The following RIC8B variants were observed in gnomAD, a reference collection of about 807,000 sequenced individuals.
RIC8B encodes RIC8 guanine nucleotide exchange factor B.
Under a neutral mutation model 57.5 loss-of-function variants are expected in RIC8B, and 16 were observed. The ratio of observed to expected loss-of-function variants is 0.28; its 90% CI spans 0.19 to 0.42. The LOEUF (loss-of-function observed/expected upper bound fraction) is 0.42. Among genes scored for constraint, RIC8B ranks in the 10% least tolerant of loss-of-function variants. RIC8B has a pLI of 1.00. For synonymous variants in RIC8B, 216 were observed against 250.8 expected (o/e 0.86, Z 1.31); for missense variants, 481 against 677.0 (o/e 0.71, Z 3.21).
At chr12:106,800,951 A>G (rs2044704318) in intron 2 of RIC8B, among the ~76,000 whole-genome samples, 1 of 152,202 alleles carries the variant, frequency 6.6e-6, no homozygotes, top group African/African-American at 2.4e-5. Context: ...GTACTGTATA[A>G]TCAAACTATA....
chr12:106,835,078 T>C (rs1208029516), intron 4 of RIC8B, among the ~76,000 whole-genome samples: 1 of 151,898 alleles, frequency 6.6e-6, no homozygotes, highest in Non-Finnish European at 1.5e-5. Context: ...CTACCTCACT[T>C]TGCAGACTAC....
At chr12:106,805,375 C>T (rs1308570284) in intron 2 of RIC8B, among the ~76,000 whole-genome samples, 2 of 152,182 alleles carry the variant, frequency 1.3e-5, no homozygotes, top group Non-Finnish European at 2.9e-5. Flanking sequence ...CCATGGCTCA[C>T]TGCTGTAATC....
chr12:106,879,970 T>C lies in RIC8B; in HGVS notation c.1572-5934T>C, dbSNP rs765604399. On this transcript the variant is annotated intron_variant, in intron 9 of 9. Transcript: ENST00000392837. This position sits in a 1 kb window ranked among gnomAD's most constrained non-coding sequence, Gnocchi z 4.9. ...AAGGTAAGTATGAAGGAGTTGTTGC[T>C]ATGTGAATATCTTAATCCTGATACA... 29 of 984,356 alleles carry C rather than the reference T, an allele frequency of 2.9e-5. No individual in the cohort carries two copies. The highest frequency in any genetic ancestry group is 5.2e-5 in the African/African-American group (3 of 57,210). 61.0% of individuals were successfully genotyped at this position (984,356 alleles called of 1,614,324 possible).
At chr12:106,859,326 G>T (rs7959251) in intron 7 of RIC8B, among the ~76,000 whole-genome samples, 1,604 of 152,194 alleles carry the variant, frequency 0.011, 24 homozygotes, top group African/African-American at 0.037. Flanking sequence ...AAACATTACT[G>T]CAGTGCAAGT....
intron 4 of RIC8B, 143 bp downstream of exon 4, chr12:106,825,963 C>A: frequency 1.7e-6 from 1 of 603,502 alleles, no homozygotes; most frequent in Non-Finnish European, 3.0e-6. Context: ...AAATCATTAT[C>A]ATGGAAATCA....
intron 7 of RIC8B, among the ~76,000 whole-genome samples, chr12:106,853,940 A>G (rs1374680577): frequency 6.6e-6 from 1 of 152,256 alleles, no homozygotes; most frequent in Non-Finnish European, 1.5e-5. Context: ...TAAGGGTCAC[A>G]GACTCAAATG....
intron 6 of RIC8B, among the ~76,000 whole-genome samples, chr12:106,847,331 G>A (rs1020494397): frequency 1.3e-5 from 2 of 152,134 alleles, no homozygotes; most frequent in African/African-American, 4.8e-5. Flanking sequence ...AACCAAAAAT[G>A]TAGCTAACAA....
intron 8 of RIC8B, among the ~76,000 whole-genome samples, chr12:106,869,386 G>T (rs1950291178): frequency 6.6e-6 from 1 of 152,064 alleles, no homozygotes; most frequent in South Asian, 2.1e-4. Flanking sequence ...CTCAAAGACG[G>T]GTTGCAAGCT....
chr12:106,800,731 C>T (rs1039463798), intron 2 of RIC8B, among the ~76,000 whole-genome samples: 1 of 152,178 alleles, frequency 6.6e-6, no homozygotes, highest in African/African-American at 2.4e-5. Context: ...GATAGAGGAA[C>T]TAGTTCAGAG....
At chr12:106,864,027 G>T (rs1950040718) in intron 8 of RIC8B, among the ~76,000 whole-genome samples, 1 of 152,032 alleles carries the variant, frequency 6.6e-6, no homozygotes, top group Non-Finnish European at 1.5e-5. Flanking sequence ...TATCAGATAA[G>T]TAAATGAAAG....
At chr12:106,872,668 T>C (rs1158946041) in intron 9 of RIC8B, among the ~76,000 whole-genome samples, 3 of 57,804 alleles carry the variant, frequency 5.2e-5, no homozygotes, top group South Asian at 5.8e-4. Context: ...AAACTCTGTC[T>C]CAAAAAAAAA....
intron 9 of RIC8B, among the ~76,000 whole-genome samples, chr12:106,881,073 A>C (rs1335152082): frequency 6.6e-6 from 1 of 152,230 alleles, no homozygotes; most frequent in African/African-American, 2.4e-5. Context: ...AGGATCTGCT[A>C]TCTGCAAGGC....
intron 2 of RIC8B, among the ~76,000 whole-genome samples, chr12:106,800,228 A>G (rs1470018584): frequency 6.6e-6 from 1 of 152,172 alleles, no homozygotes; most frequent in Admixed American, 6.5e-5. Context: ...AAGAGGTTTA[A>G]TTGGCTCACA....
chr12:106,886,967 C>T lies in RIC8B; in HGVS notation c.*952C>T, dbSNP rs929546779. ...TGTGCTGGTGTGTGTGTGAGTTCTA[C>T]GTTTCTACCATATGTGATCAGTTTA... On this transcript the variant is annotated 3_prime_UTR_variant, in exon 10 of 10. Coordinates refer to ENST00000392837, the MANE Select transcript of RIC8B (RefSeq NM_001330145.2). The T allele has an allele frequency of 3.9e-5, 6 of 152,210 alleles. No homozygotes were observed. The highest frequency in any genetic ancestry group is 8.8e-5 in the Non-Finnish European group (6 of 67,968). The allele number at this position is 152,210 out of a possible 1,614,324, so 9.4% of individuals were successfully genotyped here. A position where few individuals can be genotyped will look rare whatever the true frequency, so the allele number is the denominator to read the frequency against.
At chr12:106,800,665 CCTGA>C (rs2044692199) in intron 2 of RIC8B, among the ~76,000 whole-genome samples, 1 of 152,044 alleles carries the variant, frequency 6.6e-6, no homozygotes, top group Non-Finnish European at 1.5e-5. Flanking sequence ...CATCAGAGTC[CCTGA>C]CTATCTTTCA....
chr12:106,825,920 A>G, intron 4 of RIC8B, 100 bp downstream of exon 4: 2 of 760,396 alleles, frequency 2.6e-6, no homozygotes, highest in South Asian at 3.1e-5. Context: ...GAAAGTGAAA[A>G]TACTACAGTA....
rs117407168 is a variant in RIC8B, at chr12:106,801,913, T to C, written c.133-12783T>C. 8.7e-4 allele frequency among the ~76,000 whole-genome samples: 133 copies of C among 152,362 alleles called. 2 individuals carry two copies. In the East Asian group the frequency reaches 0.022, roughly 25 times the overall value. On this transcript the variant is annotated intron_variant, in intron 2 of 9. Coordinates refer to ENST00000392837, the MANE Select transcript of RIC8B (RefSeq NM_001330145.2). ...TCTGCATGTACACATGTACCTCTTG[T>C]TCCCCCCTACATACACGTGCTGTAT... is the stretch of plus-strand genomic sequence containing the variant.
At chr12:106,842,936 G>A (rs1299090631) in intron 5 of RIC8B, 119 bp downstream of exon 5, 6 of 600,612 alleles carry the variant, frequency 1.0e-5, no homozygotes, top group Non-Finnish European at 1.4e-5. Flanking sequence ...TCTGACTGAT[G>A]TGCTGCATAA....
At chr12:106,779,702 A>G (rs539042709) in intron 1 of RIC8B, among the ~76,000 whole-genome samples, 2 of 145,830 alleles carry the variant, frequency 1.4e-5, no homozygotes, top group South Asian at 4.3e-4. Context: ...TTTTTTTCAG[A>G]TATTTTCAAG....
Sources: allele counts gnomAD v4.1 joint callset (sites outside exome capture counted in the v4.1 genomes callset), GRCh38; gene constraint gnomAD v4.1.1; non-coding constraint Gnocchi (gnomAD v3.1); transcripts MANE v1.5; gene names NCBI Gene and HGNC (gene_info 2026-07-23, HGNC 2026-07-21).